The following SMAP2 variants were observed in gnomAD, a reference collection of about 807,000 sequenced individuals.
The protein encoded by SMAP2 is small ArfGAP2, also known as stromal membrane-associated protein 2.
A neutral mutation model predicts 56.4 loss-of-function variants in SMAP2; 25 were observed. The ratio of observed to expected loss-of-function variants is 0.44; its 90% CI spans 0.32 to 0.62. The LOEUF is 0.62. Ranked by LOEUF, SMAP2 falls within the 20% of genes least tolerant of loss-of-function variation. SMAP2 has a pLI of 0.04. For synonymous variants in SMAP2, 157 were observed against 181.7 expected, an observed-to-expected ratio of 0.86 and a Z score of 1.09; for missense variants, 388 against 545.6, an observed-to-expected ratio of 0.71 and a Z score of 2.88.
At chr1:40,421,919 G>A (rs1055878586) in intron 9 of SMAP2, 57 bp from the exon 10 acceptor site, 12 of 1,608,862 alleles carry the variant, frequency 7.5e-6, no homozygotes, top group Middle Eastern at 1.7e-4. Flanking sequence ...CCTGCCTTTT[G>A]CACTAATTGG....
At chr1:40,399,366 G>T (rs1644807049) in intron 1 of SMAP2, among the ~76,000 whole-genome samples, 1 of 133,732 alleles carries the variant, frequency 7.5e-6, no homozygotes, top group Non-Finnish European at 1.5e-5. Flanking sequence ...CACCATGTTG[G>T]CCAGGCTTGT....
intron 1 of SMAP2, among the ~76,000 whole-genome samples, chr1:40,393,147 G>T (rs542224569): frequency 6.6e-6 from 1 of 151,462 alleles, no homozygotes; most frequent in Non-Finnish European, 1.5e-5. Context: ...TATTGTTGTT[G>T]TTACCTAAAG....
chr1:40,360,705 T>C (rs1407923042), intron 1 of SMAP2, among the ~76,000 whole-genome samples: 3 of 152,092 alleles, frequency 2.0e-5, no homozygotes, highest in Admixed American at 6.6e-5. Context: ...GAGAGCACAG[T>C]GATTGTGGGA....
chr1:40,374,131 A>C lies in SMAP2; in HGVS notation c.11A>C (p.Lys4Thr). MTG[K>T]SVKDVDRYQA... ...GCCGGCACCCTGGCCATGACAGGCA[A>C]GTCGGTGAAGGACGTGGATCGGTAC... The change falls in exon 1 of 10, where the codon AAG becomes ACG. Residue 4 changes from lysine to threonine, a missense_variant. Coordinates refer to ENST00000372718, the MANE Select transcript of SMAP2 (RefSeq NM_022733.3). The surrounding 1 kb of genome is among the most constrained non-coding windows in gnomAD (Gnocchi z 5.9). 1 of 1,612,924 alleles carries C rather than the reference A, an allele frequency of 6.2e-7. No homozygotes were observed. Among genetic ancestry groups the C allele is most frequent in the Non-Finnish European group, 8.5e-7 (1 of 1,179,490 alleles).
intron 1 of SMAP2, among the ~76,000 whole-genome samples, chr1:40,388,194 C>T (rs1644679435): frequency 6.6e-6 from 1 of 152,190 alleles, no homozygotes; most frequent in African/African-American, 2.4e-5. Context: ...CCCTGCTCCA[C>T]GGCACCCGGT....
intron 1 of SMAP2, among the ~76,000 whole-genome samples, chr1:40,382,283 G>A (rs1644606603): frequency 6.6e-6 from 1 of 152,054 alleles, no homozygotes; most frequent in South Asian, 2.1e-4. Context: ...CGGTGACTGC[G>A]ACATTCTACT....
intron 1 of SMAP2, among the ~76,000 whole-genome samples, chr1:40,396,536 T>A (rs1256832782): frequency 6.6e-6 from 1 of 152,222 alleles, no homozygotes; most frequent in Non-Finnish European, 1.5e-5. Context: ...TTTTCAACAG[T>A]ACAAATGTGG....
At chr1:40,409,263 A>G (rs917901589) in intron 3 of SMAP2, among the ~76,000 whole-genome samples, 15 of 152,206 alleles carry the variant, frequency 9.9e-5, no homozygotes, top group Admixed American at 2.6e-4. Context: ...TGTAGTTTGT[A>G]GATCATCTTG....
Position 40,374,676 on chromosome 1 carries a change from C to A in SMAP2, c.103+453C>A. 6.5e-7 allele frequency: 1 copy of A among 1,548,940 alleles called. No individual in the cohort carries two copies. Among genetic ancestry groups the A allele is most frequent in the Non-Finnish European group, 8.7e-7 (1 of 1,146,634 alleles). On this transcript the variant is annotated intron_variant, in intron 1 of 9. Coordinates refer to ENST00000372718, the MANE Select transcript of SMAP2 (RefSeq NM_022733.3). This position sits in a 1 kb window ranked among gnomAD's most constrained non-coding sequence, Gnocchi z 5.9. ...GAGGAGGAGGAGGGAAGTGAGATGG[C>A]GGAAAGGAAAACTGCTTAAATGATT...
At chr1:40,394,166 T>G (rs1644745979) in intron 1 of SMAP2, among the ~76,000 whole-genome samples, 1 of 152,188 alleles carries the variant, frequency 6.6e-6, no homozygotes, top group South Asian at 2.1e-4. Context: ...TTCTAAGCTT[T>G]CTTAAGATAA....
intron 1 of SMAP2, among the ~76,000 whole-genome samples, chr1:40,359,822 A>G (rs1644452041): frequency 6.6e-6 from 1 of 152,042 alleles, no homozygotes; most frequent in Non-Finnish European, 1.5e-5. Context: ...TCAACACTTT[A>G]TCCCCCTCCT....
chr1:40,373,417 A>G (rs1036194561), upstream of SMAP2, among the ~76,000 whole-genome samples: 1 of 152,240 alleles, frequency 6.6e-6, no homozygotes, highest in African/African-American at 2.4e-5. Flanking sequence ...TAGTTCATGC[A>G]AAGCGCTTAA....
intron 2 of SMAP2, chr1:40,362,444 A>T (rs1644463794): frequency 6.6e-6 from 1 of 152,160 alleles, no homozygotes; most frequent in African/African-American, 2.4e-5. Flanking sequence ...ATGGTATGTG[A>T]AACTGTCTTT....
chr1:40,358,555 A>G (rs1001346503), intron 1 of SMAP2, among the ~76,000 whole-genome samples: 4 of 152,106 alleles, frequency 2.6e-5, no homozygotes, highest in Non-Finnish European at 5.9e-5. Flanking sequence ...AAACAAAACA[A>G]AACAAAAAAC....
chr1:40,352,061 T>C (rs541627567), intron 1 of SMAP2, among the ~76,000 whole-genome samples: 15 of 152,120 alleles, frequency 9.9e-5, no homozygotes, highest in Non-Finnish European at 1.8e-4. Context: ...AGCAAGTTTA[T>C]TAAGAAAGTA....
At chr1:40,400,323 A>G (rs1044335623) in intron 1 of SMAP2, among the ~76,000 whole-genome samples, 1 of 152,242 alleles carries the variant, frequency 6.6e-6, no homozygotes, top group African/African-American at 2.4e-5. Flanking sequence ...ATTTAATCCA[A>G]TAGTAATAGA....
At position 40,408,429 on chromosome 1, in the gene SMAP2, A is replaced by G. The variant is rs1644905681; in HGVS notation, c.238-224A>G. Among the ~76,000 whole-genome samples the G allele has an allele frequency of 6.6e-6, 1 of 152,252 alleles. No homozygotes were observed. The highest frequency in any genetic ancestry group is 2.4e-5 in the African/African-American group (1 of 41,466). ...CTTGGTACACAAATATTTCAGTAAAAGGAACCTATGGAGTGGGGGAAAGAC... is the reference window on the plus strand; with the variant it reads ...CTTGGTACACAAATATTTCAGTAAAGGGAACCTATGGAGTGGGGGAAAGAC... On this transcript the variant is annotated intron_variant, in intron 2 of 9. Coordinates refer to ENST00000372718, the MANE Select transcript of SMAP2 (RefSeq NM_022733.3). The surrounding 1 kb of genome is among the most constrained non-coding windows in gnomAD (Gnocchi z 4.3).
In SMAP2 at chr1:40,373,943, T is replaced by G; in HGVS notation, c.-178T>G. On this transcript the variant is annotated 5_prime_UTR_variant, in exon 1 of 10. Coordinates refer to ENST00000372718, the MANE Select transcript of SMAP2 (RefSeq NM_022733.3). Reference sequence around the variant, plus strand: ...GGCGCCGCGCCGAGGGGCTGCGGAGTGGGGGACGGACGCCCCCGACCCGGG... The same window carrying G: ...GGCGCCGCGCCGAGGGGCTGCGGAGGGGGGGACGGACGCCCCCGACCCGGG... 5 of 532,160 alleles carry G rather than the reference T, an allele frequency of 9.4e-6. No homozygotes were observed. The highest frequency in any genetic ancestry group is 2.3e-5 in the South Asian group (1 of 44,152). 33.0% of individuals were successfully genotyped at this position (532,160 alleles called of 1,614,324 possible).
intron 1 of SMAP2, among the ~76,000 whole-genome samples, chr1:40,378,220 G>A (rs1644560368): frequency 6.6e-6 from 1 of 152,176 alleles, no homozygotes. Flanking sequence ...AGACTCCTGG[G>A]CTCAAGCTGT....
Sources: gnomAD v4.1 joint callset for allele counts (sites outside exome capture counted in the v4.1 genomes callset) on GRCh38, gnomAD v4.1.1 for gene constraint, Gnocchi (gnomAD v3.1) non-coding constraint, MANE v1.5 for transcripts, NCBI Gene and HGNC (gene_info 2026-07-23, HGNC 2026-07-21) for gene names.